The following PFKFB3 variants were observed in gnomAD, a reference collection of about 807,000 sequenced individuals.
PFKFB3 encodes the protein 6-phosphofructo-2-kinase/fructose-2,6-bisphosphatase 3.
Under a neutral mutation model 68.0 loss-of-function variants are expected in PFKFB3, and 33 were observed. The observed-to-expected ratio is 0.49, with a 90% CI of 0.37 to 0.65. The LOEUF (loss-of-function observed/expected upper bound fraction) is 0.65, where lower values mean the gene tolerates loss of function less well. Among genes scored for constraint, PFKFB3 ranks in the 30% least tolerant of loss-of-function variants. The pLI is 0.00. For missense variants in PFKFB3, 586 were observed against 712.2 expected, an observed-to-expected ratio of 0.82 and a Z score of 2.02; for synonymous variants, 315 against 288.2, an observed-to-expected ratio of 1.09 and a Z score of -0.94.
the PFKFB3 span, among the ~76,000 whole-genome samples, chr10:6,311,475 T>G: frequency 6.8e-6 from 1 of 147,662 alleles, no homozygotes; most frequent in Non-Finnish European, 1.5e-5. Context: ...CTTTGTTGGC[T>G]GGGCCCAGTG....
chr10:6,309,947 C>G, the PFKFB3 span, among the ~76,000 whole-genome samples: 1 of 152,198 alleles, frequency 6.6e-6, no homozygotes, highest in South Asian at 2.1e-4. Context: ...CTTTATATGA[C>G]TCTATTCACT....
chr10:6,194,988 T>C (rs567393118), intron 1 of PFKFB3, among the ~76,000 whole-genome samples: 1 of 152,186 alleles, frequency 6.6e-6, no homozygotes, highest in Non-Finnish European at 1.5e-5. Flanking sequence ...TTCTCCTGCC[T>C]TGGCCTCCCG....
chr10:6,166,939 C>G (rs967961398), intron 1 of PFKFB3, among the ~76,000 whole-genome samples: 1 of 151,854 alleles, frequency 6.6e-6, no homozygotes, highest in Non-Finnish European at 1.5e-5. Context: ...AAGCAATTCT[C>G]CTGTCTCAGC....
chr10:6,177,368 C>CTTTCTTTG (rs1241806332), intron 1 of PFKFB3, among the ~76,000 whole-genome samples: 1 of 98,430 alleles, frequency 1.0e-5, no homozygotes, highest in Non-Finnish European at 2.4e-5. Flanking sequence ...TTCTTTCTTT[C>CTTTCTTTG]TTTCTTTCTT....
the PFKFB3 span, among the ~76,000 whole-genome samples, chr10:6,298,958 C>G: frequency 2.0e-5 from 3 of 152,340 alleles, no homozygotes; most frequent in South Asian, 6.2e-4. Flanking sequence ...TGGTTCATCT[C>G]TGTTGGCTGC....
chr10:6,204,857 A>G (rs1843581856), intron 1 of PFKFB3, among the ~76,000 whole-genome samples: 1 of 152,246 alleles, frequency 6.6e-6, no homozygotes, highest in African/African-American at 2.4e-5. Context: ...AGTCCCACAT[A>G]TGTAAATACA....
chr10:6,323,793 A>T, the PFKFB3 span, among the ~76,000 whole-genome samples: 1 of 152,202 alleles, frequency 6.6e-6, no homozygotes, highest in Non-Finnish European at 1.5e-5. Flanking sequence ...ATCGAAACCC[A>T]TGTGCATTGC....
chr10:6,176,983 G>A (rs1409581736), intron 1 of PFKFB3, among the ~76,000 whole-genome samples: 2 of 152,180 alleles, frequency 1.3e-5, no homozygotes, highest in Non-Finnish European at 2.9e-5. Context: ...CCAGGATGTG[G>A]GTGGCAGTGC....
chr10:6,262,883 G>C, the PFKFB3 span, among the ~76,000 whole-genome samples: 1 of 152,208 alleles, frequency 6.6e-6, no homozygotes, highest in Admixed American at 6.5e-5. Context: ...GTCCAGCGGT[G>C]CTAATAGCCC....
intron 1 of PFKFB3, among the ~76,000 whole-genome samples, chr10:6,168,668 G>C: frequency 6.6e-6 from 1 of 152,168 alleles, no homozygotes; most frequent in Non-Finnish European, 1.5e-5. Context: ...CCATTGCTAC[G>C]ACCATTATGC....
chr10:6,174,140 T>C (rs747267516), intron 1 of PFKFB3, among the ~76,000 whole-genome samples: 5 of 143,684 alleles, frequency 3.5e-5, no homozygotes, highest in Non-Finnish European at 7.4e-5. Context: ...AAAGCCTGTA[T>C]TTTTTCTGCT....
the PFKFB3 span, among the ~76,000 whole-genome samples, chr10:6,262,582 C>G: frequency 3.3e-5 from 5 of 151,850 alleles, no homozygotes; most frequent in Non-Finnish European, 7.4e-5. Context: ...GCCCTAAGGC[C>G]ATAAGGATAT....
the PFKFB3 span, among the ~76,000 whole-genome samples, chr10:6,286,319 G>A: frequency 6.6e-6 from 1 of 151,694 alleles, no homozygotes; most frequent in Non-Finnish European, 1.5e-5. Context: ...TGGGTTTCTT[G>A]TAGGCAACAT....
intron 14 of PFKFB3, among the ~76,000 whole-genome samples, chr10:6,241,563 G>A (rs1846140433): frequency 6.6e-6 from 1 of 152,194 alleles, no homozygotes; most frequent in Non-Finnish European, 1.5e-5. Flanking sequence ...CAGGTCGCAT[G>A]GCTCATGCCT....
At chr10:6,298,380 T>C in the PFKFB3 span, among the ~76,000 whole-genome samples, 1 of 151,828 alleles carries the variant, frequency 6.6e-6, no homozygotes, top group Non-Finnish European at 1.5e-5. Context: ...CACTTTTTTT[T>C]TTTTTTTCTT....
At chr10:6,162,909 C>G (rs1842009352) in intron 1 of PFKFB3, among the ~76,000 whole-genome samples, 1 of 152,198 alleles carries the variant, frequency 6.6e-6, no homozygotes, top group South Asian at 2.1e-4. Flanking sequence ...CCTCTTCTTG[C>G]TACCGGAGTG....
the PFKFB3 span, among the ~76,000 whole-genome samples, chr10:6,262,017 AAC>A: frequency 1.1e-5 from 1 of 93,950 alleles, no homozygotes; most frequent in African/African-American, 3.2e-5. Context: ...CAAAACAAAA[AAC>A]AAAAAAAAAA....
At chr10:6,170,123 G>T (rs192225230) in intron 1 of PFKFB3, among the ~76,000 whole-genome samples, 1 of 152,132 alleles carries the variant, frequency 6.6e-6, no homozygotes, top group South Asian at 2.1e-4. Flanking sequence ...TAATGAAGAC[G>T]ATGGTTTTCC....
intron 6 of PFKFB3, among the ~76,000 whole-genome samples, chr10:6,217,497 C>A (rs1844664180): frequency 6.6e-6 from 1 of 152,226 alleles, no homozygotes; most frequent in Admixed American, 6.5e-5. Context: ...GGTGATGGAG[C>A]TGCTGGGGCA....
Sources: gnomAD v4.1 joint callset for allele counts (sites outside exome capture counted in the v4.1 genomes callset) on GRCh38, gnomAD v4.1.1 for gene constraint, MANE v1.5 for transcripts, NCBI Gene and HGNC (gene_info 2026-07-23, HGNC 2026-07-21) for gene names.